The following ERBB4 variants were observed in gnomAD, a reference collection of about 807,000 sequenced individuals.
The protein encoded by ERBB4 is receptor tyrosine-protein kinase erbB-4.
A neutral mutation model predicts 158.0 loss-of-function variants in ERBB4; 42 were observed. The observed-to-expected ratio is 0.27, with a 90% CI of 0.21 to 0.34. The LOEUF (loss-of-function observed/expected upper bound fraction) is 0.34. Ranked by LOEUF, ERBB4 falls within the 10% of genes least tolerant of loss-of-function variation. The pLI is 1.00. For missense variants in ERBB4, 1,333 were observed against 1,624.1 expected, an observed-to-expected ratio of 0.82 and a Z score of 3.08; for synonymous variants, 583 against 558.7, an observed-to-expected ratio of 1.04 and a Z score of -0.61.
intron 15 of ERBB4, among the ~76,000 whole-genome samples, chr2:211,664,733 A>T (rs117685761): frequency 1.3e-5 from 2 of 152,184 alleles, no homozygotes; most frequent in African/African-American, 4.8e-5. Flanking sequence ...AGATTGCCCT[A>T]TATCAGTCAA....
intron 1 of ERBB4, among the ~76,000 whole-genome samples, chr2:212,476,319 T>A (rs1689391815): frequency 6.6e-6 from 1 of 152,174 alleles, no homozygotes; most frequent in African/African-American, 2.4e-5. Flanking sequence ...GGCTTGCTAT[T>A]CTATCACTAG....
chr2:211,630,456 C>T lies in ERBB4; in HGVS notation c.2079+6G>A, dbSNP rs375049485. ...AACACATGAAGAGGAGAAAGAAATACCTCACCTCTGTTTCCAAGAATCTTC... is the reference window on the plus strand; with the variant it reads ...AACACATGAAGAGGAGAAAGAAATATCTCACCTCTGTTTCCAAGAATCTTC... On this transcript the variant is annotated splice_donor_region_variant and intron_variant, in intron 17 of 27. Transcript: ENST00000342788. 2.9e-5 allele frequency: 47 copies of T among 1,612,858 alleles called. No homozygotes were observed. Among genetic ancestry groups the T allele is most frequent in the Non-Finnish European group, 3.1e-5 (37 of 1,179,110 alleles).
chr2:212,503,562 A>G (rs1438667141), intron 1 of ERBB4, among the ~76,000 whole-genome samples: 1 of 152,222 alleles, frequency 6.6e-6, no homozygotes, highest in African/African-American at 2.4e-5. Context: ...GGAATAATAA[A>G]GGAATCGTTT....
chr2:211,715,245 G>C (rs975882138), intron 7 of ERBB4, among the ~76,000 whole-genome samples: 1 of 152,164 alleles, frequency 6.6e-6, no homozygotes, highest in African/African-American at 2.4e-5. Flanking sequence ...GAATCCATGG[G>C]AGTGGGTACA....
rs544536579 is a variant in ERBB4 at position 212,319,903 on chromosome 2, A to G, written c.83-195000T>C. Among the ~76,000 whole-genome samples, 194 of 150,382 alleles carry G rather than the reference A, an allele frequency of 1.3e-3. 3 individuals carry two copies. The highest frequency in any genetic ancestry group is 4.5e-3 in the African/African-American group (184 of 41,340). On this transcript the variant is annotated intron_variant, in intron 1 of 27. Transcript: ENST00000342788. ...GATAACTTCATGTCGTTCCAAAGCT[A>G]GGGGCCAAGAACACAATATACTCTC...
intron 4 of ERBB4, among the ~76,000 whole-genome samples, chr2:211,786,536 C>A (rs1468864975): frequency 6.6e-6 from 1 of 152,084 alleles, no homozygotes; most frequent in African/African-American, 2.4e-5. Context: ...TAGGCACAAC[C>A]ATCCAAATTT....
chr2:212,142,264 C>T (rs889692127), intron 1 of ERBB4, among the ~76,000 whole-genome samples: 1 of 152,042 alleles, frequency 6.6e-6, no homozygotes, highest in Non-Finnish European at 1.5e-5. Flanking sequence ...CCTATGAGGG[C>T]AGGAACTCTG....
At chr2:211,908,643 A>T (rs940980915) in intron 3 of ERBB4, among the ~76,000 whole-genome samples, 2 of 151,830 alleles carry the variant, frequency 1.3e-5, no homozygotes, top group Admixed American at 1.3e-4. Context: ...GCATTTTATG[A>T]AACCTATTAT....
intron 19 of ERBB4, among the ~76,000 whole-genome samples, chr2:211,579,620 A>G (rs2068007774): frequency 6.6e-6 from 1 of 152,192 alleles, no homozygotes; most frequent in East Asian, 1.9e-4. Flanking sequence ...ATGCAGCCAT[A>G]AAAAGGAATG....
At chr2:212,024,739 A>G (rs1396708303) in intron 2 of ERBB4, among the ~76,000 whole-genome samples, 4 of 151,896 alleles carry the variant, frequency 2.6e-5, no homozygotes, top group African/African-American at 9.7e-5. Flanking sequence ...CATAAAAAGG[A>G]AAAGAGTCAA....
At chr2:212,199,631 C>G (rs1444847758) in intron 1 of ERBB4, among the ~76,000 whole-genome samples, 1 of 152,162 alleles carries the variant, frequency 6.6e-6, no homozygotes, top group Non-Finnish European at 1.5e-5. Flanking sequence ...CCTGGTTTAT[C>G]TTGAGACCAG....
chr2:212,069,470 A>G (rs2078045195), intron 2 of ERBB4, among the ~76,000 whole-genome samples: 1 of 152,064 alleles, frequency 6.6e-6, no homozygotes, highest in African/African-American at 2.4e-5. Context: ...CTTAATGATG[A>G]AAGACTTAAT....
intron 20 of ERBB4, among the ~76,000 whole-genome samples, chr2:211,481,098 A>G (rs1200022656): frequency 6.6e-6 from 1 of 152,182 alleles, no homozygotes; most frequent in African/African-American, 2.4e-5. Flanking sequence ...CATTTTAAAT[A>G]GCATTATTTT....
At chr2:212,214,797 A>G (rs976087026) in intron 1 of ERBB4, among the ~76,000 whole-genome samples, 5 of 151,710 alleles carry the variant, frequency 3.3e-5, no homozygotes, top group African/African-American at 4.8e-5. Flanking sequence ...GCCAAAATAC[A>G]CGTACACAAT....
intron 1 of ERBB4, among the ~76,000 whole-genome samples, chr2:212,287,795 T>C (rs746741266): frequency 5.3e-5 from 8 of 152,192 alleles, no homozygotes; most frequent in Non-Finnish European, 1.0e-4. Flanking sequence ...GCCATTATCC[T>C]GAGCAAACTA....
intron 2 of ERBB4, among the ~76,000 whole-genome samples, chr2:212,014,779 A>G (rs945393861): frequency 6.6e-6 from 1 of 152,038 alleles, no homozygotes; most frequent in African/African-American, 2.4e-5. Context: ...TTAAACATGT[A>G]GCTGGCATTT....
chr2:212,238,192 C>A (rs1283088610), intron 1 of ERBB4, among the ~76,000 whole-genome samples: 1 of 152,204 alleles, frequency 6.6e-6, no homozygotes, highest in Non-Finnish European at 1.5e-5. Flanking sequence ...GCTTGAAACC[C>A]AGGGCCCTGG....
intron 1 of ERBB4, among the ~76,000 whole-genome samples, chr2:212,315,732 C>T (rs1404667120): frequency 6.6e-6 from 1 of 151,412 alleles, no homozygotes; most frequent in African/African-American, 2.4e-5. Flanking sequence ...TTCCTCGTCA[C>T]CAAATACAAT....
At chr2:212,144,289 T>G (rs2080589720) in intron 1 of ERBB4, among the ~76,000 whole-genome samples, 1 of 152,202 alleles carries the variant, frequency 6.6e-6, no homozygotes, top group Non-Finnish European at 1.5e-5. Context: ...AACCATTGAA[T>G]GAAATTCTAG....
Sources: allele counts gnomAD v4.1 joint callset (sites outside exome capture counted in the v4.1 genomes callset), GRCh38; gene constraint gnomAD v4.1.1; transcripts MANE v1.5; gene names NCBI Gene and HGNC (gene_info 2026-07-23, HGNC 2026-07-21).